TTLL7: variants seen among roughly 807,000 people sequenced by gnomAD.
TTLL7 encodes the protein tubulin tyrosine ligase like 7.
TTLL7 carries 53 observed loss-of-function variants against 120.2 expected under a neutral mutation model. That is an observed-to-expected ratio of 0.44 (90% CI 0.35 to 0.55). TTLL7 has a LOEUF of 0.55. Among genes scored for constraint, TTLL7 ranks in the 20% least tolerant of loss-of-function variants. TTLL7 has a pLI of 0.00. For missense variants in TTLL7, 803 were observed against 1,054.7 expected, an observed-to-expected ratio of 0.76 and a Z score of 3.31; for synonymous variants, 353 against 351.7, an observed-to-expected ratio of 1.00 and a Z score of -0.04.
At chr1:83,939,360 T>G (rs927603637) in intron 7 of TTLL7, among the ~76,000 whole-genome samples, 1 of 152,200 alleles carries the variant, frequency 6.6e-6, no homozygotes, top group Non-Finnish European at 1.5e-5. Flanking sequence ...TTACTTGGCA[T>G]GACTTTCTTA....
chr1:83,910,285 A>G (rs1487964627), intron 15 of TTLL7, among the ~76,000 whole-genome samples: 2 of 152,138 alleles, frequency 1.3e-5, no homozygotes, highest in Non-Finnish European at 1.5e-5. Context: ...AGGGCTCACA[A>G]TTGTGTTCAC....
intron 1 of TTLL7, among the ~76,000 whole-genome samples, chr1:83,956,324 T>C (rs1040665659): frequency 9.2e-5 from 14 of 151,642 alleles, no homozygotes; most frequent in Non-Finnish European, 1.3e-4. Flanking sequence ...GGGGTCTCAC[T>C]ATGTTGACCA....
At position 83,942,692 on chromosome 1, in the gene TTLL7, A is replaced by G; in HGVS notation, c.507-13T>C. On this transcript the variant is annotated splice_polypyrimidine_tract_variant and intron_variant, in intron 6 of 20. Coordinates refer to ENST00000260505, the MANE Select transcript of TTLL7 (RefSeq NM_024686.6). ...TATCAAAGAAATCCTATGTTTAAAG[A>G]AAAAAATTAAAAGAATGATTTGACA... 6.4e-7 allele frequency: 1 copy of G among 1,571,784 alleles called. No homozygotes were observed. Among genetic ancestry groups the G allele is most frequent in the South Asian group, 1.1e-5 (1 of 87,920 alleles).
chr1:83,881,944 T>G (rs1654527430), intron 20 of TTLL7, among the ~76,000 whole-genome samples: 1 of 151,080 alleles, frequency 6.6e-6, no homozygotes, highest in Non-Finnish European at 1.5e-5. Context: ...TGTAGGGACA[T>G]GGATGAAATT....
intron 1 of TTLL7, among the ~76,000 whole-genome samples, chr1:83,993,743 A>G (rs1055357188): frequency 3.9e-5 from 6 of 152,240 alleles, no homozygotes; most frequent in Non-Finnish European, 7.3e-5. Context: ...TTGCTTGCAA[A>G]TAAAAGGTGA....
intron 14 of TTLL7, 113 bp from the exon 15 acceptor site, chr1:83,911,476 G>A: frequency 1.2e-6 from 1 of 821,930 alleles, no homozygotes; most frequent in South Asian, 1.8e-5. Context: ...ACTGAAGGTT[G>A]AGAATCCCCC....
At chr1:83,888,768 A>G (rs770649542) in intron 19 of TTLL7, among the ~76,000 whole-genome samples, 8 of 151,992 alleles carry the variant, frequency 5.3e-5, no homozygotes, top group Non-Finnish European at 7.4e-5. Flanking sequence ...GACTGGGGAA[A>G]TAAGAAGAAA....
intron 18 of TTLL7, among the ~76,000 whole-genome samples, chr1:83,893,875 A>T (rs1655997404): frequency 6.6e-6 from 1 of 152,000 alleles, no homozygotes; most frequent in Non-Finnish European, 1.5e-5. Context: ...GAGGAGGGAA[A>T]ACACAATCTG....
rs1317494907 is a variant in TTLL7, at chr1:83,904,202, C to T, written c.2128-43G>A. ...CATTAAGAAATTTACAGGTTGAAAC[C>T]CATTTTTTAAATTAATTTGTGTAAT... On this transcript the variant is annotated intron_variant, in intron 17 of 20. Coordinates refer to ENST00000260505, the MANE Select transcript of TTLL7 (RefSeq NM_024686.6). 2.7e-6 allele frequency: 4 copies of T among 1,467,748 alleles called. No individual in the cohort carries two copies. The African/African-American group carries it at 4.3e-5, about 16-fold the overall frequency. The allele number at this position is 1,467,748 out of a possible 1,614,324, so 90.9% of individuals were successfully genotyped here.
rs75785360 is a variant in TTLL7, at chr1:83,935,323, A to T, written c.889-1557T>A. Among the ~76,000 whole-genome samples, 1,117 of 152,136 alleles carry T rather than the reference A, an allele frequency of 7.3e-3. 13 individuals carry two copies. Among genetic ancestry groups the T allele is most frequent in the African/African-American group, 0.026 (1,060 of 41,522 alleles). ...GTGGGGACTGATTATTAATCAACAG[A>T]CCCTGAATTACAAATCTGTGTTTTT... On this transcript the variant is annotated intron_variant, in intron 8 of 20. Transcript: ENST00000260505.
intron 9 of TTLL7, 43 bp from the exon 10 acceptor site, chr1:83,929,273 T>TG: frequency 7.0e-7 from 1 of 1,429,768 alleles, no homozygotes; most frequent in Non-Finnish European, 9.8e-7. Context: ...TAAATAAATA[T>TG]TCAATACATA....
intron 1 of TTLL7, among the ~76,000 whole-genome samples, chr1:83,974,037 A>G (rs1651238248): frequency 6.6e-6 from 1 of 152,008 alleles, no homozygotes; most frequent in Admixed American, 6.6e-5. Flanking sequence ...GTTTTACCTC[A>G]AATTTTTTTA....
Position 83,869,816 on chromosome 1 carries a change from G to T in TTLL7, c.*146C>A. Reference sequence around the variant, plus strand: ...TAATATAATAAATATATGTTATTAGGGTGCATATGTGCATATATTTTCACA... The same window carrying T: ...TAATATAATAAATATATGTTATTAGTGTGCATATGTGCATATATTTTCACA... On this transcript the variant is annotated 3_prime_UTR_variant, in exon 21 of 21. Transcript: ENST00000260505. 5.0e-6 allele frequency: 3 copies of T among 599,582 alleles called. No homozygotes were observed. Among genetic ancestry groups the T allele is most frequent in the Non-Finnish European group, 5.3e-6 (2 of 380,388 alleles). The allele number at this position is 599,582 out of a possible 1,614,324, so 37.1% of individuals were successfully genotyped here.
At chr1:83,941,745 G>A (rs969292270) in intron 7 of TTLL7, among the ~76,000 whole-genome samples, 1 of 152,048 alleles carries the variant, frequency 6.6e-6, no homozygotes, top group Non-Finnish European at 1.5e-5. Context: ...ACTTTCATAA[G>A]CTACAAATTA....
rs1557563847 is a variant in TTLL7, at chr1:83,892,429, CATATATATGAACATATGAATGA to C, written c.2209-1970_2209-1949del. On this transcript the variant is annotated intron_variant, in intron 18 of 20. Transcript: ENST00000260505. ...ACATATATATGAACATATATATGAA[CATATATATGAACATATGAATGA>C]ACATATATGAACATATATATGAACA... Among the ~76,000 whole-genome samples, 2 of 114,386 alleles carry C rather than the reference CATATATATGAACATATGAATGA, an allele frequency of 1.7e-5. 1 individual carries two copies. Among genetic ancestry groups the C allele is most frequent in the African/African-American group, 6.6e-5 (2 of 30,156 alleles). 75.0% of individuals were successfully genotyped at this position (114,386 alleles called of 152,430 possible). A position where few individuals can be genotyped will look rare whatever the true frequency, so the allele number is the denominator to read the frequency against.
In TTLL7 at chr1:83,969,513, G is replaced by A. The variant is rs545567140; in HGVS notation, c.-176-17126C>T. Among the ~76,000 whole-genome samples the A allele has an allele frequency of 5.9e-5, 9 of 152,002 alleles. No individual in the cohort carries two copies. The East Asian group carries it at 9.7e-4, about 16-fold the overall frequency. On this transcript the variant is annotated intron_variant, in intron 1 of 20. Coordinates refer to ENST00000260505, the MANE Select transcript of TTLL7 (RefSeq NM_024686.6). ...TTATTAGTCTCCTTCTTTGAAGGTG[G>A]CCTATAATGTTTGTCTCTCTAGACC...
intron 9 of TTLL7, among the ~76,000 whole-genome samples, chr1:83,933,324 C>T (rs183539398): frequency 3.9e-5 from 6 of 152,220 alleles, no homozygotes; most frequent in African/African-American, 1.4e-4. Context: ...AATAGTAGAG[C>T]AAGTAAGCAA....
intron 1 of TTLL7, among the ~76,000 whole-genome samples, chr1:83,996,530 T>C (rs554171242): frequency 2.0e-5 from 3 of 152,246 alleles, no homozygotes; most frequent in Non-Finnish European, 4.4e-5. Context: ...AAGACTTTCC[T>C]GATCCTCTGA....
At chr1:83,914,110 T>G (rs762634935) in intron 14 of TTLL7, among the ~76,000 whole-genome samples, 1 of 152,204 alleles carries the variant, frequency 6.6e-6, no homozygotes, top group African/African-American at 2.4e-5. Flanking sequence ...ATAGAGCACA[T>G]AATTCAGAAC....
Sources: gnomAD v4.1 joint callset for allele counts (sites outside exome capture counted in the v4.1 genomes callset) on GRCh38, gnomAD v4.1.1 for gene constraint, MANE v1.5 for transcripts, NCBI Gene and HGNC (gene_info 2026-07-23, HGNC 2026-07-21) for gene names.